The following SERTM1 variants were observed in gnomAD, a reference collection of about 807,000 sequenced individuals.
SERTM1 encodes serine-rich and transmembrane domain-containing protein 1.
Under a neutral mutation model 5.5 loss-of-function variants are expected in SERTM1, and 1 was observed. That is an observed-to-expected ratio of 0.18 (90% confidence interval 0.06 to 0.86). SERTM1 has a LOEUF of 0.86. Among genes scored for constraint, SERTM1 ranks in the 40% least tolerant of loss-of-function variants. SERTM1 has a pLI of 0.69. For missense variants in SERTM1, 91 were observed against 122.4 expected, an observed-to-expected ratio of 0.74 and a Z score of 1.21; for synonymous variants, 52 against 55.1, an observed-to-expected ratio of 0.94 and a Z score of 0.25.
At chr13:36,687,207 A>C (rs1278156204) in intron 1 of SERTM1, among the ~76,000 whole-genome samples, 1 of 152,214 alleles carries the variant, frequency 6.6e-6, no homozygotes, top group African/African-American at 2.4e-5. Flanking sequence ...TGTGAATTAA[A>C]AATGTCATTA....
chr13:36,686,573 CT>C (rs1473439596), intron 1 of SERTM1, among the ~76,000 whole-genome samples: 5 of 152,058 alleles, frequency 3.3e-5, no homozygotes, highest in African/African-American at 7.2e-5. Flanking sequence ...AGTGTGCATA[CT>C]TTTTTTTCTA....
In SERTM1 at chr13:36,695,813, T is replaced by C. The variant is rs2056809884; in HGVS notation, c.*411T>C. On this transcript the variant is annotated 3_prime_UTR_variant, in exon 2 of 2. Coordinates refer to ENST00000315190, the MANE Select transcript of SERTM1 (RefSeq NM_203451.3). ...AACTGGCAAAATCAAGTCTGACCTA[T>C]GTAGAAGTTATTTTCCATATTTAAA... The C allele has an allele frequency of 1.1e-5, 2 of 179,334 alleles. No individual in the cohort carries two copies. 11.1% of individuals were successfully genotyped at this position (179,334 alleles called of 1,614,324 possible).
intron 1 of SERTM1, among the ~76,000 whole-genome samples, chr13:36,680,988 T>C (rs2056701606): frequency 6.6e-6 from 1 of 152,188 alleles, no homozygotes; most frequent in African/African-American, 2.4e-5. Context: ...AAGAGAATAT[T>C]TGCTTCTCTT....
intron 1 of SERTM1, among the ~76,000 whole-genome samples, chr13:36,693,953 G>A (rs946632578): frequency 6.6e-6 from 1 of 152,066 alleles, no homozygotes. Context: ...TGGCTAAGAA[G>A]AAATGGTCCC....
chr13:36,680,559 T>A (rs2056698439), intron 1 of SERTM1, among the ~76,000 whole-genome samples: 2 of 152,204 alleles, frequency 1.3e-5, no homozygotes, highest in South Asian at 4.1e-4. Context: ...CTACTACATA[T>A]CCTTTTTCAA....
At chr13:36,678,695 A>ATATATATATAT (rs1395603891) in intron 1 of SERTM1, among the ~76,000 whole-genome samples, 11 of 147,486 alleles carry the variant, frequency 7.5e-5, no homozygotes, top group South Asian at 4.3e-4. Flanking sequence ...ATATATATAT[A>ATATATATATAT]AAATATAGTC....
intron 1 of SERTM1, among the ~76,000 whole-genome samples, chr13:36,681,520 C>T (rs2056704938): frequency 6.6e-6 from 1 of 152,142 alleles, no homozygotes; most frequent in Non-Finnish European, 1.5e-5. Flanking sequence ...TTTGGTTTAG[C>T]ATTGAGATGG....
At chr13:36,691,450 C>G (rs929191272) in intron 1 of SERTM1, among the ~76,000 whole-genome samples, 8 of 152,134 alleles carry the variant, frequency 5.3e-5, no homozygotes, top group African/African-American at 1.9e-4. Flanking sequence ...CCTCACTTCA[C>G]TAGGGGACTG....
At chr13:36,693,163 T>C (rs1219186703) in intron 1 of SERTM1, among the ~76,000 whole-genome samples, 1 of 152,210 alleles carries the variant, frequency 6.6e-6, no homozygotes, top group Non-Finnish European at 1.5e-5. Context: ...GCTTCTTTAT[T>C]TCTCTATTTC....
intron 1 of SERTM1, among the ~76,000 whole-genome samples, chr13:36,693,588 A>G (rs565155562): frequency 2.6e-5 from 4 of 152,240 alleles, no homozygotes; most frequent in African/African-American, 9.6e-5. Flanking sequence ...CCCTCTCTGA[A>G]GTGTCCCCAC....
At chr13:36,689,931 C>T (rs746368707) in intron 1 of SERTM1, among the ~76,000 whole-genome samples, 8 of 151,914 alleles carry the variant, frequency 5.3e-5, no homozygotes, top group Non-Finnish European at 7.4e-5. Context: ...GAGACTGGGC[C>T]GAACCCAAAG....
At chr13:36,691,449 A>T (rs1382678318) in intron 1 of SERTM1, among the ~76,000 whole-genome samples, 1 of 152,060 alleles carries the variant, frequency 6.6e-6, no homozygotes, top group African/African-American at 2.4e-5. Flanking sequence ...TCCTCACTTC[A>T]CTAGGGGACT....
chr13:36,685,695 G>A (rs1333650907), intron 1 of SERTM1, among the ~76,000 whole-genome samples: 1 of 152,218 alleles, frequency 6.6e-6, no homozygotes, highest in African/African-American at 2.4e-5. Flanking sequence ...CTACACTAGA[G>A]AACTCACCCA....
chr13:36,694,144 T>C (rs1418698203), intron 1 of SERTM1, among the ~76,000 whole-genome samples: 8 of 152,176 alleles, frequency 5.3e-5, no homozygotes. Context: ...TGGACCATTT[T>C]ACAAATAAGA....
intron 1 of SERTM1, among the ~76,000 whole-genome samples, chr13:36,675,754 C>T (rs1204995632): frequency 6.6e-6 from 1 of 152,170 alleles, no homozygotes. Flanking sequence ...GGTCTCAGAG[C>T]CTCCCTCAGC....
chr13:36,683,058 G>C (rs959777131), intron 1 of SERTM1, among the ~76,000 whole-genome samples: 2 of 152,068 alleles, frequency 1.3e-5, no homozygotes, highest in African/African-American at 4.8e-5. Flanking sequence ...CAATACCACT[G>C]ACCCTTGTAC....
intron 1 of SERTM1, among the ~76,000 whole-genome samples, chr13:36,694,286 G>A (rs933839426): frequency 6.6e-6 from 1 of 152,138 alleles, no homozygotes; most frequent in African/African-American, 2.4e-5. Flanking sequence ...TCTAACCTTT[G>A]TTCTTCTTCT....
At chr13:36,677,001 A>T (rs1053979674) in intron 1 of SERTM1, among the ~76,000 whole-genome samples, 1 of 152,092 alleles carries the variant, frequency 6.6e-6, no homozygotes, top group African/African-American at 2.4e-5. Flanking sequence ...GAATTCAGGA[A>T]GTCCATCTGT....
intron 1 of SERTM1, among the ~76,000 whole-genome samples, chr13:36,694,453 C>T (rs1170952621): frequency 1.3e-5 from 2 of 152,164 alleles, no homozygotes; most frequent in Non-Finnish European, 2.9e-5. Flanking sequence ...CGATAAAAAG[C>T]AAACTCACAT....
Sources: allele counts gnomAD v4.1 joint callset (sites outside exome capture counted in the v4.1 genomes callset), GRCh38; gene constraint gnomAD v4.1.1; transcripts MANE v1.5; gene names NCBI Gene and HGNC (gene_info 2026-07-23, HGNC 2026-07-21).